The following LRP1B variants were observed in gnomAD, a reference collection of about 807,000 sequenced individuals.
LRP1B encodes the protein low-density lipoprotein receptor-related protein 1B.
A neutral mutation model predicts 556.6 loss-of-function variants in LRP1B; 217 were observed. That is an observed-to-expected ratio of 0.39 (90% CI 0.35 to 0.44). LRP1B has a LOEUF of 0.44. Among genes scored for constraint, LRP1B ranks in the 20% least tolerant of loss-of-function variants. The pLI, the probability that LRP1B is intolerant of heterozygous loss-of-function variation, is 1.00. For missense variants in LRP1B, 5,053 were observed against 5,620.8 expected (o/e 0.90, Z 3.23); for synonymous variants, 2,047 against 1,865.8 (o/e 1.10, Z -2.50).
chr2:141,670,548 C>T (rs756546579), intron 2 of LRP1B, among the ~76,000 whole-genome samples: 13 of 152,044 alleles, frequency 8.6e-5, no homozygotes, highest in Non-Finnish European at 1.3e-4. Context: ...TATGTTGGAT[C>T]AGAAGCATAT....
At chr2:140,832,123 G>A (rs8179745) in intron 31 of LRP1B, among the ~76,000 whole-genome samples, 118,417 of 152,018 alleles carry the variant, frequency 0.78, 47,427 homozygotes, top group Non-Finnish European at 0.88. Flanking sequence ...GAACTGCATG[G>A]GTTCACTTAT....
chr2:141,855,981 TA>T, intron 1 of LRP1B, among the ~76,000 whole-genome samples: 1 of 152,158 alleles, frequency 6.6e-6, no homozygotes, highest in Admixed American at 6.6e-5. Context: ...ACACCAATAT[TA>T]ATAGCATGAA....
At chr2:140,703,677 T>C (rs1028462994) in intron 37 of LRP1B, among the ~76,000 whole-genome samples, 2 of 152,108 alleles carry the variant, frequency 1.3e-5, no homozygotes, top group Non-Finnish European at 2.9e-5. Flanking sequence ...GTTCCCCCAA[T>C]CCCCAAGTAG....
At chr2:140,691,200 G>T (rs896444435) in intron 41 of LRP1B, among the ~76,000 whole-genome samples, 1 of 152,048 alleles carries the variant, frequency 6.6e-6, no homozygotes, top group African/African-American at 2.4e-5. Flanking sequence ...GGCAGGGCGC[G>T]GTGGCTCACG....
chr2:141,701,133 T>C (rs1353726613), intron 2 of LRP1B, among the ~76,000 whole-genome samples: 1 of 151,892 alleles, frequency 6.6e-6, no homozygotes, highest in Admixed American at 6.6e-5. Flanking sequence ...TCCAAACCAT[T>C]GTAGAAGTTA....
intron 1 of LRP1B, among the ~76,000 whole-genome samples, chr2:142,054,820 A>ATT (rs922014350): frequency 6.6e-6 from 1 of 150,986 alleles, no homozygotes; most frequent in Admixed American, 6.6e-5. Flanking sequence ...TATTGTGGCC[A>ATT]TTTTTTTTTC....
chr2:141,182,045 G>T (rs1252506915), intron 7 of LRP1B, among the ~76,000 whole-genome samples: 1 of 151,886 alleles, frequency 6.6e-6, no homozygotes, highest in Non-Finnish European at 1.5e-5. Context: ...CTTGAATTTG[G>T]GAAGTGACAA....
chr2:140,657,600 TATACATATATATACATACATATATAC>T (rs758859264), intron 41 of LRP1B, among the ~76,000 whole-genome samples: 2,676 of 108,574 alleles, frequency 0.025, 43 homozygotes, highest in Middle Eastern at 0.059. Flanking sequence ...CATACATATA[TATACATATATATACATACATATATAC>T]ATACATATAT....
Position 141,015,933 on chromosome 2 carries a change from C to T in LRP1B, c.1971-18G>A, listed in dbSNP as rs1338199857. ...ACATCCAACTAAGACATTAAAAAAA[C>T]AACAAAAATGCATACATGTTATTAC... On this transcript the variant is annotated intron_variant, in intron 12 of 90. Coordinates refer to ENST00000389484, the MANE Select transcript of LRP1B (RefSeq NM_018557.3). 3 of 1,578,092 alleles carry T rather than the reference C, an allele frequency of 1.9e-6. No individual in the cohort carries two copies. Among genetic ancestry groups the T allele is most frequent in the Admixed American group, 1.7e-5 (1 of 59,840 alleles).
intron 6 of LRP1B, among the ~76,000 whole-genome samples, chr2:141,189,657 T>A (rs1048080886): frequency 8.6e-5 from 13 of 151,860 alleles, no homozygotes; most frequent in Non-Finnish European, 7.4e-5. Context: ...AATAAAAAAA[T>A]TCCATATTTA....
chr2:141,374,200 T>A, intron 3 of LRP1B, among the ~76,000 whole-genome samples: 1 of 152,168 alleles, frequency 6.6e-6, no homozygotes, highest in Non-Finnish European at 1.5e-5. Context: ...GAATATGCCA[T>A]CCCATTCTCT....
chr2:140,394,125 T>TA (rs1684149225), intron 66 of LRP1B, among the ~76,000 whole-genome samples: 1 of 44,558 alleles, frequency 2.2e-5, no homozygotes, highest in Non-Finnish European at 5.4e-5. Context: ...CTGGCACATA[T>TA]TTTTTTTTTT....
chr2:141,464,586 A>G (rs181218745), intron 3 of LRP1B, among the ~76,000 whole-genome samples: 480 of 38,294 alleles, frequency 0.013, 17 homozygotes, highest in African/African-American at 0.023. Flanking sequence ...CTAATTTTGT[A>G]TATATATATA....
intron 2 of LRP1B, among the ~76,000 whole-genome samples, chr2:141,580,278 C>T (rs1162101521): frequency 1.3e-5 from 2 of 152,036 alleles, no homozygotes; most frequent in Non-Finnish European, 2.9e-5. Flanking sequence ...GAATATTTCT[C>T]CTGGATTACA....
At chr2:142,062,485 T>C (rs1292564730) in intron 1 of LRP1B, among the ~76,000 whole-genome samples, 1 of 151,820 alleles carries the variant, frequency 6.6e-6, no homozygotes, top group African/African-American at 2.4e-5. Flanking sequence ...ACTTCAACTA[T>C]AAGATGAAAG....
intron 57 of LRP1B, among the ~76,000 whole-genome samples, chr2:140,491,420 C>T (rs751927734): frequency 1.3e-5 from 2 of 151,822 alleles, no homozygotes; most frequent in South Asian, 4.2e-4. Flanking sequence ...TAGGCATGTC[C>T]TTGTTCCAGA....
chr2:141,768,864 G>C (rs1282709556), intron 2 of LRP1B, among the ~76,000 whole-genome samples: 1 of 139,496 alleles, frequency 7.2e-6, no homozygotes, highest in Non-Finnish European at 1.6e-5. Flanking sequence ...TGTATTAAGA[G>C]ATACAGATAT....
chr2:140,828,510 G>A (rs4334439), intron 31 of LRP1B, among the ~76,000 whole-genome samples: 1,634 of 143,186 alleles, frequency 0.011, 28 homozygotes, highest in African/African-American at 0.04. Context: ...TCGGGAGGCT[G>A]AGGCAGGAGA....
At chr2:140,351,600 G>C (rs1334028744) in intron 76 of LRP1B, among the ~76,000 whole-genome samples, 1 of 152,008 alleles carries the variant, frequency 6.6e-6, no homozygotes, top group Non-Finnish European at 1.5e-5. Flanking sequence ...CCTGCTAAGT[G>C]TAACATTCTA....
Sources: allele counts gnomAD v4.1 joint callset (sites outside exome capture counted in the v4.1 genomes callset), GRCh38; gene constraint gnomAD v4.1.1; transcripts MANE v1.5; gene names NCBI Gene and HGNC (gene_info 2026-07-23, HGNC 2026-07-21).